Variants in ZNF462 observed in about 807,000 individuals in gnomAD.
ZNF462 encodes zinc finger protein 462.
In ZNF462, 10 loss-of-function variants were observed where a neutral mutation model predicts 201.9. The ratio of observed to expected loss-of-function variants is 0.05; its 90% confidence interval spans 0.03 to 0.08. The LOEUF (loss-of-function observed/expected upper bound fraction) is 0.08. Among genes scored for constraint, ZNF462 ranks in the 10% least tolerant of loss-of-function variants. The pLI, the probability that ZNF462 is intolerant of heterozygous loss-of-function variation, is 1.00. For missense variants in ZNF462, 2,523 were observed against 3,168.3 expected (o/e 0.80, Z 4.89); for synonymous variants, 1,227 against 1,193.3 (o/e 1.03, Z -0.58).
chr9:106,964,981 T>C (rs539891835), intron 7 of ZNF462, among the ~76,000 whole-genome samples: 3 of 152,234 alleles, frequency 2.0e-5, no homozygotes, highest in African/African-American at 7.2e-5. Context: ...GTCAGAGACA[T>C]TGATCTAGCC....
intron 7 of ZNF462, among the ~76,000 whole-genome samples, chr9:106,942,067 CAA>C (rs1830896849): frequency 6.6e-6 from 1 of 152,160 alleles, no homozygotes; most frequent in Non-Finnish European, 1.5e-5. Context: ...ACACACCAAC[CAA>C]AAATGTGTTG....
At chr9:106,964,082 CTT>C (rs774927660) in intron 7 of ZNF462, among the ~76,000 whole-genome samples, 30 of 151,514 alleles carry the variant, frequency 2.0e-4, no homozygotes, top group Non-Finnish European at 3.5e-4. Flanking sequence ...TTGATGAACA[CTT>C]AGGTTGCTTC....
At position 107,005,114 on chromosome 9, in the gene ZNF462, A is replaced by G. The variant is rs142708981; in HGVS notation, c.7189+1688A>G. On this transcript the variant is annotated intron_variant, in intron 11 of 12. Coordinates refer to ENST00000277225, the MANE Select transcript of ZNF462 (RefSeq NM_021224.6). The surrounding 1 kb of genome is among the most constrained non-coding windows in gnomAD (Gnocchi z 4.4). ...CCACATTTTCTTTATCCATTCATTT[A>G]TTGATGGACACCTAGCTTGATTACT... 9.0e-4 allele frequency among the ~76,000 whole-genome samples: 137 copies of G among 152,260 alleles called. 2 individuals are homozygous for G. The highest frequency in any genetic ancestry group is 3.4e-3 in the Middle Eastern group (1 of 294).
chr9:106,998,239 A>G (rs1405362926), intron 10 of ZNF462, among the ~76,000 whole-genome samples: 5 of 152,162 alleles, frequency 3.3e-5, no homozygotes, highest in Non-Finnish European at 5.9e-5. Context: ...AATTCTGGAA[A>G]CATTAAGTGG....
rs189440292 is a variant in ZNF462, at chr9:106,954,404, G to C, written c.6427+15297G>C. Among the ~76,000 whole-genome samples the C allele has an allele frequency of 1.6e-4, 25 of 151,980 alleles. No homozygotes were observed. The highest frequency in any genetic ancestry group is 4.8e-4 in the African/African-American group (20 of 41,450). ...ATAGCATGGAGGAAACTGTCCCCAT[G>C]ATCCAGTCACCTCCCACAAGGTCCC... On this transcript the variant is annotated intron_variant, in intron 7 of 12. Coordinates refer to ENST00000277225, the MANE Select transcript of ZNF462 (RefSeq NM_021224.6). This position sits in a 1 kb window ranked among gnomAD's most constrained non-coding sequence, Gnocchi z 4.0.
rs774864616 is a variant in ZNF462, at chr9:107,010,824, G to A, written c.7315G>A (p.Ala2439Thr). Residue 2439 changes from alanine (A) to threonine (T), a missense_variant and splice_region_variant, in exon 13 of 13, where the codon GCA becomes ACA. By Grantham distance (58) the Ala-to-Thr change is moderately conservative. Around this residue, in one of 15 missense-constraint regions of ZNF462, gnomAD observed 228 missense variants for 361.2 expected, o/e 0.63. Transcript: ENST00000277225. The surrounding 1 kb of genome is among the most constrained non-coding windows in gnomAD (Gnocchi z 4.6). ...TCTCTTCGATAAATGTTTTTCCAGG[G>A]CATTGAATGACACCAAGCAGGTGAG... ...WERHVLRHGM[A>T]LNDTKQVSRE... 4.3e-6 allele frequency: 7 copies of A among 1,611,266 alleles called. No individual in the cohort carries two copies. In the East Asian group the frequency reaches 1.6e-4, roughly 36 times the overall value.
chr9:106,915,024 A>C (rs1347054311), intron 1 of ZNF462, among the ~76,000 whole-genome samples: 1 of 152,194 alleles, frequency 6.6e-6, no homozygotes, highest in Non-Finnish European at 1.5e-5. Flanking sequence ...TCCTTTGTAC[A>C]AAAAGGTTGA....
At position 106,925,301 on chromosome 9, in the gene ZNF462, A is replaced by C. The variant is rs1436664268; in HGVS notation, c.1389A>C (p.Leu463Phe). The change falls in exon 3 of 13, where the codon TTA becomes TTC. Residue 463 changes from leucine to phenylalanine, a missense_variant. Around this residue, in one of 15 missense-constraint regions of ZNF462, gnomAD observed 13 missense variants for 43.2 expected, o/e 0.30. Coordinates refer to ENST00000277225, the MANE Select transcript of ZNF462 (RefSeq NM_021224.6). This position sits in a 1 kb window ranked among gnomAD's most constrained non-coding sequence, Gnocchi z 7.9. ...CTCGTCACATAGAAAACATCCACTTATCTGGAAAGACAGCTGTCTACAAAT... is the reference window on the plus strand; with the variant it reads ...CTCGTCACATAGAAAACATCCACTTCTCTGGAAAGACAGCTGTCTACAAAT... ...SISRHIENIH[L>F]SGKTAVYKCD... is the part of the protein sequence containing the mutation. 1 of 1,614,004 alleles carries C rather than the reference A, an allele frequency of 6.2e-7. No homozygotes were observed. Among genetic ancestry groups the C allele is most frequent in the Non-Finnish European group, 8.5e-7 (1 of 1,180,024 alleles).
chr9:106,965,217 G>A (rs1192217842), intron 7 of ZNF462, among the ~76,000 whole-genome samples: 1 of 152,056 alleles, frequency 6.6e-6, no homozygotes, highest in Admixed American at 6.6e-5. Context: ...CGTTGATTAA[G>A]GATCCCCAAG....
At chr9:106,967,303 C>T (rs773990017) in intron 7 of ZNF462, among the ~76,000 whole-genome samples, 13 of 152,024 alleles carry the variant, frequency 8.6e-5, no homozygotes, top group Non-Finnish European at 1.5e-4. Flanking sequence ...GGCACTAGCA[C>T]AATGTTAACT....
intron 10 of ZNF462, among the ~76,000 whole-genome samples, chr9:106,997,970 ATGGGTT>A: frequency 6.9e-6 from 1 of 144,442 alleles, no homozygotes; most frequent in African/African-American, 2.9e-5. Flanking sequence ...CTTATTGTTT[ATGGGTT>A]GCTTCTGAGC....
intron 7 of ZNF462, among the ~76,000 whole-genome samples, chr9:106,945,279 A>G (rs764246724): frequency 6.6e-5 from 10 of 152,220 alleles, no homozygotes; most frequent in Non-Finnish European, 1.0e-4. Flanking sequence ...CCCTTCTCTA[A>G]GAATTATGTT....
intron 11 of ZNF462, among the ~76,000 whole-genome samples, chr9:107,007,523 T>G (rs977282167): frequency 2.0e-5 from 3 of 152,196 alleles, no homozygotes; most frequent in African/African-American, 7.2e-5. Context: ...GTGGGGGATT[T>G]ACATGAGTAA....
intron 10 of ZNF462, among the ~76,000 whole-genome samples, chr9:106,987,796 C>G (rs148568139): frequency 0.026 from 4,010 of 152,188 alleles, 181 homozygotes; most frequent in African/African-American, 0.092. Flanking sequence ...ATAGTTTCTC[C>G]TCTTAGATTT....
chr9:106,879,653 C>G (rs1446114114), intron 1 of ZNF462, among the ~76,000 whole-genome samples: 1 of 152,130 alleles, frequency 6.6e-6, no homozygotes, highest in East Asian at 1.9e-4. Context: ...CTGCAATCAT[C>G]TCGGAACATT....
Position 106,935,371 on chromosome 9 carries a change from C to A in ZNF462, c.6117-132C>A. 1 of 643,316 alleles carries A rather than the reference C, an allele frequency of 1.6e-6. No individual in the cohort carries two copies. Among genetic ancestry groups the A allele is most frequent in the Admixed American group, 2.8e-5 (1 of 36,076 alleles). 39.9% of individuals were successfully genotyped at this position (643,316 alleles called of 1,614,324 possible). ...AATTAATTAATTAAATTGATAAATG[C>A]CATTATTGGAAAGTAAACAAAAGGA... On this transcript the variant is annotated intron_variant, in intron 5 of 12. Coordinates refer to ENST00000277225, the MANE Select transcript of ZNF462 (RefSeq NM_021224.6). This position sits in a 1 kb window ranked among gnomAD's most constrained non-coding sequence, Gnocchi z 4.1.
rs900376787 is a variant in ZNF462, at chr9:106,962,118, G to T, written c.6428-9887G>T. ...TCACATTTGCATTTTAGAAAAGAAA[G>T]GAATCATAGGGGGAGAAGAAACTGG... On this transcript the variant is annotated intron_variant, in intron 7 of 12. Transcript: ENST00000277225. The surrounding 1 kb of genome is among the most constrained non-coding windows in gnomAD (Gnocchi z 4.6). 6.6e-6 allele frequency among the ~76,000 whole-genome samples: 1 copy of T among 151,888 alleles called. No homozygotes were observed. Among genetic ancestry groups the T allele is most frequent in the Admixed American group, 6.6e-5 (1 of 15,224 alleles).
At position 106,933,044 on chromosome 9, in the gene ZNF462, G is replaced by A. The variant is rs1257268391; in HGVS notation, c.6116+495G>A. 5.5e-6 allele frequency: 1 copy of A among 181,186 alleles called. No individual in the cohort carries two copies. Among genetic ancestry groups the A allele is most frequent in the Non-Finnish European group, 1.2e-5 (1 of 85,500 alleles). The allele number at this position is 181,186 out of a possible 1,614,324, so 11.2% of individuals were successfully genotyped here. A position where few individuals can be genotyped will look rare whatever the true frequency, so the allele number is the denominator to read the frequency against. ...GAGTTGCTTGACATACAGGGAGATT[G>A]AGGAGAGGGAGCTTCCCATTACTCA... On this transcript the variant is annotated intron_variant, in intron 5 of 12. Transcript: ENST00000277225. The surrounding 1 kb of genome is among the most constrained non-coding windows in gnomAD (Gnocchi z 4.3).
intron 1 of ZNF462, among the ~76,000 whole-genome samples, chr9:106,882,894 C>T (rs905507144): frequency 6.6e-6 from 1 of 152,026 alleles, no homozygotes; most frequent in Non-Finnish European, 1.5e-5. Context: ...TAGGGAAAAA[C>T]GTTATGGAAA....
Sources: gnomAD v4.1 joint callset for allele counts (sites outside exome capture counted in the v4.1 genomes callset) on GRCh38, gnomAD v4.1.1 for gene constraint, gnomAD v4.1.1 regional missense constraint, Gnocchi (gnomAD v3.1) non-coding constraint, MANE v1.5 for transcripts, NCBI Gene and HGNC (gene_info 2026-07-23, HGNC 2026-07-21) for gene names.